Variants in ADGRL3 observed in about 807,000 individuals in gnomAD.
ADGRL3 encodes adhesion G protein-coupled receptor L3.
ADGRL3 carries 62 observed loss-of-function variants against 153.5 expected under a neutral mutation model. The observed-to-expected ratio is 0.40, with a 90% CI of 0.33 to 0.50. The LOEUF (loss-of-function observed/expected upper bound fraction) is 0.50, where lower values mean the gene tolerates loss of function less well. Ranked by LOEUF, ADGRL3 falls within the 20% of genes least tolerant of loss-of-function variation. The probability of loss-of-function intolerance (pLI) is 0.47; values close to 1 mark genes in which losing one functional copy is unlikely to be tolerated. For synonymous variants in ADGRL3, 710 were observed against 672.5 expected, an observed-to-expected ratio of 1.06 and a Z score of -0.86; for missense variants, 1,641 against 1,859.4, an observed-to-expected ratio of 0.88 and a Z score of 2.16.
chr4:61,851,222 C>T (rs2098198516), intron 9 of ADGRL3, among the ~76,000 whole-genome samples: 1 of 152,006 alleles, frequency 6.6e-6, no homozygotes, highest in Non-Finnish European at 1.5e-5. Context: ...CATAAGTGAG[C>T]AAAGGCGTGT....
Position 61,557,957 on chromosome 4 carries a change from A to G in ADGRL3, c.260-29270A>G, listed in dbSNP as rs373648504. ...GGTCATGTGGATCTTTACCTTCAAAATCCATTGTGCAACTTACAGCAACCT... is the reference window on the plus strand; with the variant it reads ...GGTCATGTGGATCTTTACCTTCAAAGTCCATTGTGCAACTTACAGCAACCT... On this transcript the variant is annotated intron_variant, in intron 4 of 26. Coordinates refer to ENST00000683033, the MANE Select transcript of ADGRL3 (RefSeq NM_001387552.1). Among the ~76,000 whole-genome samples the G allele has an allele frequency of 9.9e-5, 15 of 151,632 alleles. No homozygotes were observed. In the South Asian group the frequency reaches 3.1e-3, roughly 32 times the overall value.
At chr4:61,368,891 C>T (rs182217893) in intron 1 of ADGRL3, among the ~76,000 whole-genome samples, 1 of 152,086 alleles carries the variant, frequency 6.6e-6, no homozygotes, top group Non-Finnish European at 1.5e-5. Flanking sequence ...TGTTTGTATC[C>T]TCTTTTATTT....
intron 4 of ADGRL3, among the ~76,000 whole-genome samples, chr4:61,549,147 G>T (rs1344207221): frequency 6.6e-6 from 1 of 151,832 alleles, no homozygotes; most frequent in East Asian, 1.9e-4. Context: ...TTGAATGTTG[G>T]TATATAGGTA....
At chr4:61,747,204 T>A (rs1439022160) in intron 8 of ADGRL3, among the ~76,000 whole-genome samples, 1 of 151,150 alleles carries the variant, frequency 6.6e-6, no homozygotes, top group African/African-American at 2.4e-5. Context: ...TCTGAAATTG[T>A]GGCAATAATC....
At chr4:61,555,091 G>A (rs948631973) in intron 4 of ADGRL3, among the ~76,000 whole-genome samples, 2 of 152,000 alleles carry the variant, frequency 1.3e-5, no homozygotes, top group Non-Finnish European at 2.9e-5. Context: ...TTTCCTTTAC[G>A]AATATTAATT....
chr4:62,033,015 A>G (rs1224145901), intron 23 of ADGRL3, among the ~76,000 whole-genome samples: 7 of 151,612 alleles, frequency 4.6e-5, no homozygotes, highest in Non-Finnish European at 8.9e-5. Context: ...AAATAGATGA[A>G]CCCTCCAAAT....
At chr4:61,651,712 A>G (rs1488087689) in intron 5 of ADGRL3, among the ~76,000 whole-genome samples, 1 of 151,162 alleles carries the variant, frequency 6.6e-6, no homozygotes. Flanking sequence ...TGTTCAAGCA[A>G]TTCCCTCGCC....
At chr4:62,014,771 A>T (rs2099203814) in intron 21 of ADGRL3, among the ~76,000 whole-genome samples, 1 of 152,168 alleles carries the variant, frequency 6.6e-6, no homozygotes, top group Non-Finnish European at 1.5e-5. Context: ...ACCACAGATG[A>T]TCACTGATTA....
chr4:61,344,123 T>C (rs985995433), intron 1 of ADGRL3, among the ~76,000 whole-genome samples: 7 of 152,154 alleles, frequency 4.6e-5, no homozygotes, highest in African/African-American at 1.4e-4. Context: ...CTATGTGAGA[T>C]AGAAAGAGAG....
Position 62,071,721 on chromosome 4 carries a change from T to C in ADGRL3, c.*813T>C, listed in dbSNP as rs1343215370. On this transcript the variant is annotated 3_prime_UTR_variant, in exon 27 of 27. Transcript: ENST00000683033. ...GTAAGAGAGCAAAGTTTCCTTCCTT[T>C]CTTCTCTTTCTTCATTTTCTTTTTT... The C allele has an allele frequency of 2.3e-6, 1 of 425,990 alleles. No individual in the cohort carries two copies. Among genetic ancestry groups the C allele is most frequent in the East Asian group, 7.4e-5 (1 of 13,574 alleles). The allele number at this position is 425,990 out of a possible 1,614,324, so 26.4% of individuals were successfully genotyped here.
chr4:61,827,650 A>G (rs1321392798), intron 9 of ADGRL3, among the ~76,000 whole-genome samples: 1 of 152,196 alleles, frequency 6.6e-6, no homozygotes, highest in Non-Finnish European at 1.5e-5. Context: ...TAGCAATGGA[A>G]ATAAAGACAT....
chr4:61,281,666 G>A (rs1401375612), intron 1 of ADGRL3, among the ~76,000 whole-genome samples: 1 of 152,040 alleles, frequency 6.6e-6, no homozygotes, highest in Non-Finnish European at 1.5e-5. Flanking sequence ...GGAGAGATTA[G>A]GGCAAAGTAA....
At chr4:61,417,020 A>G (rs932195557) in intron 2 of ADGRL3, among the ~76,000 whole-genome samples, 2 of 152,004 alleles carry the variant, frequency 1.3e-5, no homozygotes, top group African/African-American at 4.8e-5. Flanking sequence ...CCTCCCATGC[A>G]CACTTCACAA....
intron 4 of ADGRL3, among the ~76,000 whole-genome samples, chr4:61,586,508 G>T (rs1475614352): frequency 6.6e-6 from 1 of 151,994 alleles, no homozygotes; most frequent in Non-Finnish European, 1.5e-5. Flanking sequence ...TATGTATAGT[G>T]TGATACTACC....
At chr4:61,998,066 G>C in intron 20 of ADGRL3, 108 bp from the exon 21 acceptor site, 1 of 492,040 alleles carries the variant, frequency 2.0e-6, no homozygotes, top group African/African-American at 2.0e-5. Flanking sequence ...TCCTTTAAAA[G>C]TGTAGTGAGA....
chr4:61,576,302 C>T (rs915733769), intron 4 of ADGRL3, among the ~76,000 whole-genome samples: 2 of 151,868 alleles, frequency 1.3e-5, no homozygotes, highest in Non-Finnish European at 2.9e-5. Flanking sequence ...ATCCAGCATA[C>T]GATGTGGGGC....
Position 61,342,087 on chromosome 4 carries a change from T to C in ADGRL3, c.-239-41037T>C, listed in dbSNP as rs549724920. On this transcript the variant is annotated intron_variant, in intron 1 of 26. Transcript: ENST00000683033. ...GTGTTAAATGATAAGAAAAAAGCTT[T>C]ATAATCCTACTATCTAGAAGTAAAC... Among the ~76,000 whole-genome samples, 34 of 152,268 alleles carry C rather than the reference T, an allele frequency of 2.2e-4. No individual in the cohort carries two copies. The East Asian group carries it at 6.2e-3, about 28-fold the overall frequency.
intron 4 of ADGRL3, among the ~76,000 whole-genome samples, chr4:61,558,341 CT>C (rs1406565809): frequency 1.3e-5 from 2 of 151,364 alleles, no homozygotes; most frequent in African/African-American, 4.8e-5. Flanking sequence ...TTGGACTTTT[CT>C]AGTCTGCATT....
At chr4:61,558,508 A>G (rs751856057) in intron 4 of ADGRL3, among the ~76,000 whole-genome samples, 2 of 151,880 alleles carry the variant, frequency 1.3e-5, no homozygotes, top group Admixed American at 6.6e-5. Context: ...TTCTCTTTTT[A>G]GAGATCGCTC....
Sources: gnomAD v4.1 joint callset for allele counts (sites outside exome capture counted in the v4.1 genomes callset) on GRCh38, gnomAD v4.1.1 for gene constraint, MANE v1.5 for transcripts, NCBI Gene and HGNC (gene_info 2026-07-23, HGNC 2026-07-21) for gene names.